Variants in LZIC observed in about 807,000 individuals in gnomAD.
LZIC encodes leucine zipper and CTNNBIP1 domain containing.
LZIC carries 28 observed loss-of-function variants against 25.4 expected under a neutral mutation model. The observed-to-expected ratio is 1.10, with a 90% confidence interval of 0.82 to 1.51. LZIC has a LOEUF of 1.51. Ranked by LOEUF, LZIC falls within the 40% of genes most tolerant of loss-of-function variation. The pLI is 0.00. For missense variants in LZIC, 170 were observed against 211.1 expected (o/e 0.81, Z 1.21); for synonymous variants, 65 against 70.7 (o/e 0.92, Z 0.40).
At chr1:9,924,640 C>T (rs1009840797), downstream of LZIC, among the ~76,000 whole-genome samples, 2 of 152,258 alleles carry the variant, frequency 1.3e-5, no homozygotes, top group Admixed American at 6.5e-5. Context: ...AGGCGTGAAC[C>T]ACCGTGCCCG....
chr1:9,934,722 A>C (rs1339372466), intron 5 of LZIC, 40 bp downstream of exon 5: 1 of 1,563,790 alleles, frequency 6.4e-7, no homozygotes, highest in Admixed American at 1.7e-5. Context: ...CTAGGAAATG[A>C]AAAACACACA....
intron 5 of LZIC, among the ~76,000 whole-genome samples, chr1:9,933,612 A>C (rs895175013): frequency 6.6e-6 from 1 of 152,108 alleles, no homozygotes; most frequent in Non-Finnish European, 1.5e-5. Context: ...GATGAATAAA[A>C]TAAGTTGTCC....
At chr1:9,935,765 G>A in intron 3 of LZIC, 138 bp from the exon 4 acceptor site, 1 of 757,702 alleles carries the variant, frequency 1.3e-6, no homozygotes, top group Non-Finnish European at 2.0e-6. Flanking sequence ...TAGTAGTAGT[G>A]AGGGCATTTT....
At chr1:9,923,993 C>T (rs1050771802), downstream of LZIC, among the ~76,000 whole-genome samples, 1 of 152,164 alleles carries the variant, frequency 6.6e-6, no homozygotes, top group African/African-American at 2.4e-5. Context: ...TTCAGGTGAT[C>T]CACCCACCTC....
At position 9,929,141 on chromosome 1, in the gene LZIC, A is replaced by G. The variant is rs978661544; in HGVS notation, c.*1258T>C. 4 of 233,094 alleles carry G rather than the reference A, an allele frequency of 1.7e-5. No homozygotes were observed. The highest frequency in any genetic ancestry group is 7.0e-5 in the African/African-American group (3 of 42,948). 14.4% of individuals were successfully genotyped at this position (233,094 alleles called of 1,614,324 possible). A position where few individuals can be genotyped will look rare whatever the true frequency, so the allele number is the denominator to read the frequency against. ...TGCACACCACTGTAAATGTTCTGCC[A>G]ACGAATGGTACACTTTAAAATGGTG... On this transcript the variant is annotated 3_prime_UTR_variant, in exon 8 of 8. Coordinates refer to ENST00000377223, the MANE Select transcript of LZIC (RefSeq NM_032368.5).
At position 9,929,866 on chromosome 1, in the gene LZIC, G is replaced by A; in HGVS notation, c.*533C>T. ...TCAGGACACCTGAGTCTTACCCTCA[G>A]CTCTCTGATGCGACTTTAAGCAAAG... On this transcript the variant is annotated 3_prime_UTR_variant, in exon 8 of 8. Coordinates refer to ENST00000377223, the MANE Select transcript of LZIC (RefSeq NM_032368.5). 1.0e-6 allele frequency: 1 copy of A among 969,958 alleles called. No homozygotes were observed. Among genetic ancestry groups the A allele is most frequent in the South Asian group, 4.8e-5 (1 of 20,956 alleles). 60.1% of individuals were successfully genotyped at this position (969,958 alleles called of 1,614,324 possible). A position where few individuals can be genotyped will look rare whatever the true frequency, so the allele number is the denominator to read the frequency against.
At chr1:9,924,873 G>A (rs1204093961), downstream of LZIC, among the ~76,000 whole-genome samples, 1 of 152,198 alleles carries the variant, frequency 6.6e-6, no homozygotes, top group Admixed American at 6.6e-5. Flanking sequence ...TGTTTTACAG[G>A]AAATAGACAA....
chr1:9,938,702 T>G (rs1304643661), intron 2 of LZIC, among the ~76,000 whole-genome samples: 1 of 152,174 alleles, frequency 6.6e-6, no homozygotes, highest in East Asian at 1.9e-4. Context: ...CTGACTAAAT[T>G]TTATGTTTTT....
chr1:9,933,997 C>T (rs897847708), intron 5 of LZIC, among the ~76,000 whole-genome samples: 9 of 151,884 alleles, frequency 5.9e-5, no homozygotes, highest in African/African-American at 1.7e-4. Context: ...GAGGCTGAGG[C>T]GGGCAGATCA....
At chr1:9,924,378 G>T (rs1417770478), downstream of LZIC, among the ~76,000 whole-genome samples, 1 of 151,128 alleles carries the variant, frequency 6.6e-6, no homozygotes, top group South Asian at 2.1e-4. Flanking sequence ...TTTTTGAGAC[G>T]GAGTCTTGCT....
chr1:9,942,593 T>C (rs765679690), intron 2 of LZIC, 31 bp downstream of exon 2: 79 of 1,121,646 alleles, frequency 7.0e-5, no homozygotes, highest in Non-Finnish European at 9.3e-5. Flanking sequence ...AGACACTATA[T>C]CTGGAGCGGA....
Position 9,935,420 on chromosome 1 carries a change from T to C in LZIC, c.237+72A>G, listed in dbSNP as rs1003069518. On this transcript the variant is annotated intron_variant, in intron 4 of 7. Coordinates refer to ENST00000377223, the MANE Select transcript of LZIC (RefSeq NM_032368.5). ...TCCAGCCTGGGCGACAGAGTAAGAATGCATCTCAAACAAAAACAAGAACAA... is the reference window on the plus strand; with the variant it reads ...TCCAGCCTGGGCGACAGAGTAAGAACGCATCTCAAACAAAAACAAGAACAA... 9.4e-6 allele frequency: 14 copies of C among 1,482,896 alleles called. No homozygotes were observed. In the African/African-American group the frequency reaches 1.1e-4, roughly 12 times the overall value. The allele number at this position is 1,482,896 out of a possible 1,614,324, so 91.9% of individuals were successfully genotyped here.
intron 2 of LZIC, 52 bp from the exon 3 acceptor site, chr1:9,936,679 ATTTT>A: frequency 8.1e-7 from 1 of 1,229,496 alleles, no homozygotes; most frequent in Non-Finnish European, 1.2e-6. Flanking sequence ...TACCAGTGCA[ATTTT>A]TTTAAGTTTT....
chr1:9,942,558 T>G (rs1557448830), intron 2 of LZIC, 66 bp downstream of exon 2: 3 of 774,018 alleles, frequency 3.9e-6, no homozygotes, highest in Non-Finnish European at 5.5e-6. Flanking sequence ...CTTTTCACTT[T>G]TACGAAACTA....
chr1:9,935,555 A>T lies in LZIC; in HGVS notation c.174T>A (p.Asp58Glu). 1 of 1,612,476 alleles carries T rather than the reference A, an allele frequency of 6.2e-7. No individual in the cohort carries two copies. The highest frequency in any genetic ancestry group is 8.5e-7 in the Non-Finnish European group (1 of 1,179,434). Residue 58 changes from aspartate (D) to glutamate (E), a missense_variant, in exon 4 of 8, where the codon GAT (aspartate) becomes GAA (glutamate). By Grantham distance (45) the Asp-to-Glu change is conservative. Coordinates refer to ENST00000377223, the MANE Select transcript of LZIC (RefSeq NM_032368.5). ...TTCCAGACATAATTTTCTTTAGTGA[A>T]TCATTAAATTCACTTAGTTGCTCCA... The part of the protein sequence containing the change: ...ETLEQLSEFN[D>E]SLKKIMSGNM...
chr1:9,926,209 G>A (rs964411752), downstream of LZIC, among the ~76,000 whole-genome samples: 1 of 152,072 alleles, frequency 6.6e-6, no homozygotes, highest in African/African-American at 2.4e-5. Context: ...ACATACTAAT[G>A]CTGGAAAACA....
intron 5 of LZIC, 120 bp downstream of exon 5, chr1:9,934,642 A>G (rs1167692981): frequency 1.3e-6 from 1 of 781,928 alleles, no homozygotes; most frequent in Non-Finnish European, 2.2e-6. Flanking sequence ...ATTTTGTCAG[A>G]AAATTGTTAG....
chr1:9,931,823 T>G, intron 7 of LZIC, 68 bp downstream of exon 7: 10 of 1,000,314 alleles, frequency 1.0e-5, no homozygotes, highest in Non-Finnish European at 1.4e-5. Flanking sequence ...AACCACACTC[T>G]CCATCAGTTT....
chr1:9,931,656 T>C (rs1640218516), intron 7 of LZIC, among the ~76,000 whole-genome samples: 1 of 152,222 alleles, frequency 6.6e-6, no homozygotes, highest in Non-Finnish European at 1.5e-5. Flanking sequence ...AATTTTAGTT[T>C]TCTGTTATAG....
Sources: allele counts gnomAD v4.1 joint callset (sites outside exome capture counted in the v4.1 genomes callset), GRCh38; gene constraint gnomAD v4.1.1; transcripts MANE v1.5; gene names NCBI Gene and HGNC (gene_info 2026-07-23, HGNC 2026-07-21).